The following TXNRD3 variants were observed in gnomAD, a reference collection of about 807,000 sequenced individuals.
The protein encoded by TXNRD3 is TXNRD3 neighbor gene protein.
In TXNRD3, 68 loss-of-function variants were observed where a neutral mutation model predicts 78.2. That is an observed-to-expected ratio of 0.87 (90% CI 0.72 to 1.06). The LOEUF (loss-of-function observed/expected upper bound fraction) is 1.06, where lower values mean the gene tolerates loss of function less well. TXNRD3 is among the 50% of genes least tolerant of loss of function. The pLI, the probability that TXNRD3 is intolerant of heterozygous loss-of-function variation, is 0.00. For synonymous variants in TXNRD3, 296 were observed against 300.1 expected (o/e 0.99, Z 0.14); for missense variants, 751 against 809.5 (o/e 0.93, Z 0.88).
chr3:126,621,925 T>G (rs1183049566), intron 11 of TXNRD3, 27 bp from the exon 12 acceptor site: 1 of 1,479,240 alleles, frequency 6.8e-7, no homozygotes, highest in Admixed American at 2.4e-5. Context: ...TGGGAAAAAA[T>G]ATATATTACA....
At chr3:126,641,373 G>A (rs1933083860) in intron 6 of TXNRD3, among the ~76,000 whole-genome samples, 1 of 152,064 alleles carries the variant, frequency 6.6e-6, no homozygotes, top group Non-Finnish European at 1.5e-5. Flanking sequence ...TCTCCATAGT[G>A]TTCATCAAGC....
chr3:126,651,035 A>T (rs970907606), intron 1 of TXNRD3, among the ~76,000 whole-genome samples: 1 of 152,166 alleles, frequency 6.6e-6, no homozygotes, highest in Non-Finnish European at 1.5e-5. Flanking sequence ...AGCACCCAAT[A>T]ACACTTATTG....
chr3:126,652,515 T>C (rs1369163303), intron 1 of TXNRD3, among the ~76,000 whole-genome samples: 1 of 152,246 alleles, frequency 6.6e-6, no homozygotes, highest in African/African-American at 2.4e-5. Flanking sequence ...ATTATTTCAT[T>C]ACAACAGTGA....
At chr3:126,627,313 G>A (rs1474682070) in intron 10 of TXNRD3, among the ~76,000 whole-genome samples, 1 of 152,184 alleles carries the variant, frequency 6.6e-6, no homozygotes, top group Non-Finnish European at 1.5e-5. Flanking sequence ...AATACATACT[G>A]TACAATTCCA....
intron 7 of TXNRD3, among the ~76,000 whole-genome samples, chr3:126,632,527 G>A (rs140642408): frequency 1.3e-5 from 2 of 151,974 alleles, no homozygotes; most frequent in African/African-American, 2.4e-5. Flanking sequence ...GGGCATGGTG[G>A]TATATGCCTG....
intron 1 of TXNRD3, among the ~76,000 whole-genome samples, chr3:126,649,993 G>A (rs550549449): frequency 6.6e-6 from 1 of 152,174 alleles, no homozygotes; most frequent in African/African-American, 2.4e-5. Context: ...GTTAAAAATG[G>A]TAAGTTTTAT....
chr3:126,653,266 GTTTCCAA>G (rs1377853193), intron 1 of TXNRD3, among the ~76,000 whole-genome samples: 8 of 152,178 alleles, frequency 5.3e-5, no homozygotes, highest in Non-Finnish European at 1.2e-4. Context: ...CTTAAGGTTG[GTTTCCAA>G]GAACCTATCA....
intron 12 of TXNRD3, among the ~76,000 whole-genome samples, chr3:126,616,059 G>T (rs181380896): frequency 2.0e-5 from 3 of 152,312 alleles, no homozygotes; most frequent in Non-Finnish European, 2.9e-5. Context: ...TAGTCCAGGG[G>T]TTAAGAAAGA....
chr3:126,640,102 T>TC (rs1294622441), intron 6 of TXNRD3, among the ~76,000 whole-genome samples: 1 of 5,996 alleles, frequency 1.7e-4, no homozygotes, highest in African/African-American at 2.5e-4. Flanking sequence ...TTCTTTTTTT[T>TC]TTTTTTTTTT....
intron 5 of TXNRD3, among the ~76,000 whole-genome samples, chr3:126,642,485 G>A (rs1295714890): frequency 1.3e-5 from 2 of 152,224 alleles, no homozygotes; most frequent in Non-Finnish European, 2.9e-5. Flanking sequence ...TCCCAGCCCT[G>A]TACTCTCCAT....
intron 6 of TXNRD3, among the ~76,000 whole-genome samples, chr3:126,636,478 T>A (rs1418362089): frequency 1.3e-5 from 2 of 152,188 alleles, no homozygotes; most frequent in African/African-American, 2.4e-5. Flanking sequence ...TTCTCCACCA[T>A]GTGAAGAAGT....
Position 126,608,625 on chromosome 3 carries a change from C to T in TXNRD3, c.1737G>A (p.Val579=). The T allele has an allele frequency of 6.5e-7, 1 of 1,535,088 alleles. No individual in the cohort carries two copies. Among genetic ancestry groups the T allele is most frequent in the Non-Finnish European group, 8.7e-7 (1 of 1,146,570 alleles). Residue 579 remains valine, a synonymous_variant, in exon 15 of 16, where the codon GTG becomes GTA. Transcript: ENST00000524230. ...TTGGTCCAAGAATATGAAATCCTAT[C>T]ACCCGATCCTTTAATACAGAAACAA...
At chr3:126,632,619 C>T (rs572918237) in intron 7 of TXNRD3, among the ~76,000 whole-genome samples, 2 of 144,880 alleles carry the variant, frequency 1.4e-5, no homozygotes, top group South Asian at 4.3e-4. Flanking sequence ...AAGATCACGC[C>T]ACTGCACTCC....
intron 6 of TXNRD3, among the ~76,000 whole-genome samples, chr3:126,639,918 T>C (rs1362200730): frequency 2.0e-5 from 3 of 151,844 alleles, no homozygotes; most frequent in Non-Finnish European, 4.4e-5. Context: ...TGAAAGCAAA[T>C]AAAACTACCC....
At chr3:126,648,427 AAAG>A (rs1429073327) in intron 1 of TXNRD3, among the ~76,000 whole-genome samples, 2 of 152,248 alleles carry the variant, frequency 1.3e-5, no homozygotes, top group Non-Finnish European at 2.9e-5. Context: ...ACAATCTTGT[AAAG>A]AAGAACAACA....
rs1303486600 is a variant in TXNRD3 at position 126,621,743 on chromosome 3, T to G, written c.1523A>C (p.Lys508Thr). ...TCTCAAAAACAGTAAGAAACTTACCTTTTCTAAAGAGGCCCCAAAAAGTCT... is the reference window on the plus strand; with the variant it reads ...TCTCAAAAACAGTAAGAAACTTACCGTTTCTAAAGAGGCCCCAAAAAGTCT... The change falls in exon 12 of 16, where the codon AAG becomes ACG. Residue 508 changes from lysine (K) to threonine (T), a missense_variant and splice_region_variant. Lys to Thr is a moderately conservative substitution (Grantham distance 78). Transcript: ENST00000524230. 1.3e-6 allele frequency: 2 copies of G among 1,500,598 alleles called. No individual in the cohort carries two copies. Among genetic ancestry groups the G allele is most frequent in the Admixed American group, 2.5e-5 (1 of 40,556 alleles). The allele number at this position is 1,500,598 out of a possible 1,614,324, so 93.0% of individuals were successfully genotyped here.
At chr3:126,650,872 G>T (rs1167033848) in intron 1 of TXNRD3, among the ~76,000 whole-genome samples, 1 of 152,154 alleles carries the variant, frequency 6.6e-6, no homozygotes, top group Non-Finnish European at 1.5e-5. Flanking sequence ...ATCCTCCACA[G>T]AAGCCACTGT....
At chr3:126,643,616 AT>A (rs1433206352) in intron 5 of TXNRD3, among the ~76,000 whole-genome samples, 2 of 151,870 alleles carry the variant, frequency 1.3e-5, no homozygotes, top group East Asian at 1.9e-4. Flanking sequence ...TGGTCATGGA[AT>A]TTTTTTTTCT....
rs1933159526 is a variant in TXNRD3, at chr3:126,644,003, C to T, written c.570G>A (p.Pro190=). The change falls in exon 5 of 16, where the codon CCG becomes CCA. Residue 190 remains proline (P), a synonymous_variant. Coordinates refer to ENST00000524230, the MANE Select transcript of TXNRD3 (RefSeq NM_052883.3). ...TACCCCAGGATGTGCCCTGAGGTGA[C>T]GGGACAACAAAGTCTAGCACCATAA... is the stretch of plus-strand genomic sequence containing the variant. 14 of 1,535,884 alleles carry T rather than the reference C, an allele frequency of 9.1e-6. No homozygotes were observed. Among genetic ancestry groups the T allele is most frequent in the Non-Finnish European group, 1.1e-5 (13 of 1,146,884 alleles).
Sources: allele counts gnomAD v4.1 joint callset (sites outside exome capture counted in the v4.1 genomes callset), GRCh38; gene constraint gnomAD v4.1.1; transcripts MANE v1.5; gene names NCBI Gene and HGNC (gene_info 2026-07-23, HGNC 2026-07-21).